Variants in LRMDA observed in about 807,000 individuals in gnomAD.
The protein encoded by LRMDA is leucine-rich melanocyte differentiation-associated protein.
A neutral mutation model predicts 29.8 loss-of-function variants in LRMDA; 18 were observed. That is an observed-to-expected ratio of 0.60 (90% CI 0.42 to 0.90). The LOEUF (loss-of-function observed/expected upper bound fraction) is 0.90. Ranked by LOEUF, LRMDA falls within the 40% of genes least tolerant of loss-of-function variation. LRMDA has a pLI of 0.00. For synonymous variants in LRMDA, 125 were observed against 109.4 expected (o/e 1.14, Z -0.89); for missense variants, 273 against 273.9 (o/e 1.00, Z 0.02).
At chr10:75,901,042 C>A (rs1845662143) in intron 2 of LRMDA, among the ~76,000 whole-genome samples, 1 of 152,128 alleles carries the variant, frequency 6.6e-6, no homozygotes, top group South Asian at 2.1e-4. Flanking sequence ...CATCCATCAA[C>A]AACAGACAAT....
At chr10:76,206,828 T>G (rs963740607) in intron 5 of LRMDA, among the ~76,000 whole-genome samples, 2 of 152,204 alleles carry the variant, frequency 1.3e-5, no homozygotes, top group African/African-American at 4.8e-5. Context: ...TGGTTCCCTG[T>G]GGCTAAATTC....
rs151153450 is a variant in LRMDA, at chr10:76,418,267, G to A, written c.601+93782G>A. Among the ~76,000 whole-genome samples the A allele has an allele frequency of 3.7e-3, 558 of 152,002 alleles. 1 individual carries two copies. The highest frequency in any genetic ancestry group is 0.01 in the Middle Eastern group (3 of 292). ...GACATCTTCTAATTCATGACCATGG[G>A]AATGTTCTTCCACTTATTTAGGTCT... On this transcript the variant is annotated intron_variant, in intron 6 of 6. Transcript: ENST00000611255.
chr10:76,131,930 G>A (rs1850000502), intron 5 of LRMDA, among the ~76,000 whole-genome samples: 1 of 152,174 alleles, frequency 6.6e-6, no homozygotes, highest in African/African-American at 2.4e-5. Context: ...GAAAGGTTGA[G>A]TGAATGAATA....
rs74755027 is a variant in LRMDA, at chr10:76,238,293, G to A, written c.517-86108G>A. Among the ~76,000 whole-genome samples, 666 of 152,198 alleles carry A rather than the reference G, an allele frequency of 4.4e-3. 5 individuals are homozygous for A. The highest frequency in any genetic ancestry group is 0.014 in the African/African-American group (575 of 41,510). ...AGCTATGTCCTCACAGCCTAATGAC[G>A]CAGGCAATTTGGTCCTCTATTTACT... is the stretch of plus-strand genomic sequence containing the variant. On this transcript the variant is annotated intron_variant, in intron 5 of 6. Coordinates refer to ENST00000611255, the MANE Select transcript of LRMDA (RefSeq NM_001305581.2).
chr10:76,253,421 G>A (rs1234986176), intron 5 of LRMDA, among the ~76,000 whole-genome samples: 1 of 151,794 alleles, frequency 6.6e-6, no homozygotes, highest in Non-Finnish European at 1.5e-5. Context: ...TAATGTTTAT[G>A]GTCTCACTGA....
At chr10:75,988,484 C>G (rs1262003452) in intron 2 of LRMDA, among the ~76,000 whole-genome samples, 1 of 151,980 alleles carries the variant, frequency 6.6e-6, no homozygotes, top group Non-Finnish European at 1.5e-5. Context: ...CCTCTCTAGG[C>G]TTAATTTTGA....
intron 6 of LRMDA, among the ~76,000 whole-genome samples, chr10:76,524,350 C>T (rs1386496748): frequency 2.6e-5 from 4 of 152,126 alleles, no homozygotes; most frequent in South Asian, 4.2e-4. Flanking sequence ...CGTTTGGAGA[C>T]GTGGTGCAGC....
At chr10:75,927,792 G>A (rs114532980) in intron 2 of LRMDA, among the ~76,000 whole-genome samples, 130 of 152,328 alleles carry the variant, frequency 8.5e-4, no homozygotes, top group African/African-American at 3.1e-3. Context: ...TATTTACAAA[G>A]CAGGTCTAAT....
intron 4 of LRMDA, among the ~76,000 whole-genome samples, chr10:76,050,838 CT>C (rs11295244): frequency 0.96 from 145,925 of 152,316 alleles, 69,956 homozygotes; most frequent in East Asian, 1. Context: ...GAACAATGGA[CT>C]TGAAGGTTAA....
In LRMDA at chr10:75,621,146, G is replaced by C. The variant is rs1248019295; in HGVS notation, c.131+182652G>C. On this transcript the variant is annotated intron_variant, in intron 2 of 6. Coordinates refer to ENST00000611255, the MANE Select transcript of LRMDA (RefSeq NM_001305581.2). Reference sequence around the variant, plus strand: ...AATAATAGTCTCCAATTCCATCCAGGTTGCTGCAAATACCATTATTTCGTT... The same window carrying C: ...AATAATAGTCTCCAATTCCATCCAGCTTGCTGCAAATACCATTATTTCGTT... Among the ~76,000 whole-genome samples, 6 of 151,546 alleles carry C rather than the reference G, an allele frequency of 4.0e-5. No homozygotes were observed. In the East Asian group the frequency reaches 1.2e-3, roughly 29 times the overall value.
chr10:75,659,804 C>T (rs1213143306), intron 2 of LRMDA, among the ~76,000 whole-genome samples: 1 of 152,076 alleles, frequency 6.6e-6, no homozygotes, highest in South Asian at 2.1e-4. Flanking sequence ...CCCTCCTTCT[C>T]TTTAATCTGT....
At chr10:75,905,021 T>C (rs1845735896) in intron 2 of LRMDA, among the ~76,000 whole-genome samples, 2 of 152,086 alleles carry the variant, frequency 1.3e-5, no homozygotes, top group African/African-American at 4.8e-5. Context: ...AAGTGCACAC[T>C]CTATCTGCAG....
intron 5 of LRMDA, among the ~76,000 whole-genome samples, chr10:76,104,352 C>T (rs1240092494): frequency 6.6e-6 from 1 of 152,160 alleles, no homozygotes; most frequent in Non-Finnish European, 1.5e-5. Context: ...TGCCTTCAAC[C>T]ACCAGGCTCC....
rs546925860 is a variant in LRMDA at position 75,940,963 on chromosome 10, A to C, written c.132-95045A>C. 1.2e-4 allele frequency among the ~76,000 whole-genome samples: 19 copies of C among 152,224 alleles called. 1 individual carries two copies. Among genetic ancestry groups the C allele is most frequent in the South Asian group, 4.2e-4 (2 of 4,816 alleles). ...GCCTGCCTCTCTGGGTAACAAACAC[A>C]TTTTGGAGGGATTGTTAACTTGAAG... is the stretch of plus-strand genomic sequence containing the variant. On this transcript the variant is annotated intron_variant, in intron 2 of 6. Transcript: ENST00000611255.
intron 5 of LRMDA, among the ~76,000 whole-genome samples, chr10:76,067,293 A>C (rs1848800385): frequency 6.6e-6 from 1 of 152,228 alleles, no homozygotes; most frequent in Admixed American, 6.5e-5. Context: ...TCGCATGATC[A>C]CTGGCAATGA....
At chr10:75,913,327 C>T (rs1053937273) in intron 2 of LRMDA, among the ~76,000 whole-genome samples, 14 of 152,090 alleles carry the variant, frequency 9.2e-5, no homozygotes, top group Admixed American at 3.9e-4. Context: ...CATGGTGGCG[C>T]GAGCCTGTAG....
chr10:76,350,731 C>G (rs886956460), intron 6 of LRMDA, among the ~76,000 whole-genome samples: 7 of 152,270 alleles, frequency 4.6e-5, no homozygotes, highest in African/African-American at 1.7e-4. Flanking sequence ...TCCTAGTCAT[C>G]TGGGGTTGCA....
At chr10:76,485,552 T>G (rs953528534) in intron 6 of LRMDA, among the ~76,000 whole-genome samples, 1 of 151,930 alleles carries the variant, frequency 6.6e-6, no homozygotes, top group South Asian at 2.1e-4. Context: ...TCAATTAAAA[T>G]TTTTTAAAAA....
intron 2 of LRMDA, among the ~76,000 whole-genome samples, chr10:75,587,593 T>C (rs1178571596): frequency 6.6e-6 from 1 of 152,246 alleles, no homozygotes; most frequent in Non-Finnish European, 1.5e-5. Context: ...ACTGTGGTCC[T>C]CTGTCCGTGG....
Sources: allele counts gnomAD v4.1 joint callset (sites outside exome capture counted in the v4.1 genomes callset), GRCh38; gene constraint gnomAD v4.1.1; transcripts MANE v1.5; gene names NCBI Gene and HGNC (gene_info 2026-07-23, HGNC 2026-07-21).